KANK1: variants seen among roughly 807,000 people sequenced by gnomAD.
The protein encoded by KANK1 is KN motif and ankyrin repeat domains 1.
KANK1 carries 109 observed loss-of-function variants against 106.2 expected under a neutral mutation model. The ratio of observed to expected loss-of-function variants is 1.03; its 90% CI spans 0.88 to 1.20. KANK1 has a LOEUF of 1.20. Ranked by LOEUF, KANK1 falls within the 50% of genes most tolerant of loss-of-function variation. The pLI is 0.00. For missense variants in KANK1, 2,399 were observed against 1,710.7 expected, an observed-to-expected ratio of 1.40 and a Z score of -7.10; for synonymous variants, 873 against 652.2, an observed-to-expected ratio of 1.34 and a Z score of -5.16.
At chr9:487,941 G>C (rs1363191373) in intron 3 of KANK1, 1 of 152,108 alleles carries the variant, frequency 6.6e-6, no homozygotes, top group Non-Finnish European at 1.5e-5. Context: ...TAGAATTTCT[G>C]CTTCACTCCC....
chr9:717,466 T>G (rs1828032614), intron 3 of KANK1, among the ~76,000 whole-genome samples: 2 of 152,208 alleles, frequency 1.3e-5, no homozygotes, highest in Non-Finnish European at 2.9e-5. Flanking sequence ...TCATACATAG[T>G]CCGCCTCTTT....
In KANK1 at chr9:528,469, C is replaced by CTTTTTTTTTTTTTTTTT. The variant is rs36072780; in HGVS notation, c.-84+23729_-84+23745dup. 1.6e-4 allele frequency among the ~76,000 whole-genome samples: 14 copies of CTTTTTTTTTTTTTTTTT among 85,124 alleles called. 1 individual carries two copies. The highest frequency in any genetic ancestry group is 2.2e-4 in the Non-Finnish European group (9 of 41,364). 55.8% of individuals were successfully genotyped at this position (85,124 alleles called of 152,430 possible). On this transcript the variant is annotated intron_variant, in intron 1 of 11. Coordinates refer to ENST00000382297, the MANE Select transcript of KANK1 (RefSeq NM_015158.5). The stretch of plus-strand genomic sequence containing the variant: ...ACCATTTTACTGAATTAAAAAATAA[C>CTTTTTTTTTTTTTTTTT]TTTTTTTTTTTTTTTTTTTTTTTTT...
intron 1 of KANK1, among the ~76,000 whole-genome samples, chr9:634,717 G>T (rs1256855755): frequency 6.6e-6 from 1 of 152,172 alleles, no homozygotes; most frequent in Non-Finnish European, 1.5e-5. Flanking sequence ...GGTTATCTTA[G>T]CCCATGCCCA....
At chr9:737,395 G>A (rs764203708) in intron 7 of KANK1, among the ~76,000 whole-genome samples, 1 of 152,184 alleles carries the variant, frequency 6.6e-6, no homozygotes, top group Non-Finnish European at 1.5e-5. Context: ...GTCTTTCTTT[G>A]ATATATTTTT....
At chr9:744,158 C>G (rs1158973426) in intron 10 of KANK1, among the ~76,000 whole-genome samples, 1 of 151,242 alleles carries the variant, frequency 6.6e-6, no homozygotes, top group African/African-American at 2.4e-5. Flanking sequence ...TCTAAACACA[C>G]ACTACTGCTG....
chr9:635,256 T>C (rs73384990), intron 1 of KANK1, among the ~76,000 whole-genome samples: 4,778 of 152,156 alleles, frequency 0.031, 246 homozygotes, highest in African/African-American at 0.11. Flanking sequence ...CCTCTAGATT[T>C]TAGGTACCCA....
rs573423001 is a variant in KANK1, at chr9:575,292, A to G, written c.-84+70538A>G. Reference sequence around the variant, plus strand: ...AAGTTAAAGCACAGAGAAAGTTAGTACAGTATTTGCCTGAGGTCAGTCACG... The same window carrying G: ...AAGTTAAAGCACAGAGAAAGTTAGTGCAGTATTTGCCTGAGGTCAGTCACG... On this transcript the variant is annotated intron_variant, in intron 1 of 11. Transcript: ENST00000382297. Among the ~76,000 whole-genome samples the G allele has an allele frequency of 2.1e-4, 32 of 152,384 alleles. 1 individual carries two copies. The South Asian group carries it at 6.4e-3, about 31-fold the overall frequency.
chr9:592,580 T>C (rs953610979), intron 1 of KANK1, among the ~76,000 whole-genome samples: 1 of 151,894 alleles, frequency 6.6e-6, no homozygotes, highest in Non-Finnish European at 1.5e-5. Context: ...CAAGTATTTA[T>C]AGAAGAAATG....
At chr9:512,905 A>T (rs1244320208) in intron 1 of KANK1, among the ~76,000 whole-genome samples, 1 of 151,988 alleles carries the variant, frequency 6.6e-6, no homozygotes, top group African/African-American at 2.4e-5. Flanking sequence ...TTGCCTTATT[A>T]TTTTTAGTTG....
chr9:736,834 C>T (rs1398734664), intron 7 of KANK1, among the ~76,000 whole-genome samples: 1 of 152,178 alleles, frequency 6.6e-6, no homozygotes, highest in Non-Finnish European at 1.5e-5. Flanking sequence ...GTCAGTATTT[C>T]CCATCAGGTT....
At chr9:707,042 G>A (rs545896488) in intron 2 of KANK1, 2 of 985,376 alleles carry the variant, frequency 2.0e-6, no homozygotes, top group African/African-American at 3.5e-5. Flanking sequence ...GAGTGCGGCG[G>A]GGGTGGTGTC....
intron 1 of KANK1, among the ~76,000 whole-genome samples, chr9:523,367 G>T (rs1165852632): frequency 1.3e-5 from 2 of 151,644 alleles, no homozygotes; most frequent in Non-Finnish European, 2.9e-5. Flanking sequence ...TGTAGAATCT[G>T]CATCGTCCTC....
rs373532071 is a variant in KANK1, at chr9:745,154, T to C, written c.3997-19T>C. 56 of 1,612,848 alleles carry C rather than the reference T, an allele frequency of 3.5e-5. No individual in the cohort carries two copies. The African/African-American group carries it at 6.4e-4, about 18-fold the overall frequency. On this transcript the variant is annotated intron_variant, in intron 11 of 11. Coordinates refer to ENST00000382297, the MANE Select transcript of KANK1 (RefSeq NM_015158.5). ...GGTCACTTATTAACCCCCAGTTTTT[T>C]TCCTTTCCTGGTCTCTAGGGCACCC...
At chr9:500,931 G>C (rs1247851375), upstream of KANK1, among the ~76,000 whole-genome samples, 1 of 152,134 alleles carries the variant, frequency 6.6e-6, no homozygotes, top group African/African-American at 2.4e-5. Flanking sequence ...TATACAAAAA[G>C]AGAGGTCAAA....
chr9:633,604 C>T (rs527864723), intron 1 of KANK1, among the ~76,000 whole-genome samples: 88 of 152,286 alleles, frequency 5.8e-4, no homozygotes, highest in African/African-American at 2.1e-3. Context: ...CATATGAGCT[C>T]TCAATAATTC....
At chr9:533,757 C>T (rs2133611386) in intron 1 of KANK1, among the ~76,000 whole-genome samples, 1 of 152,256 alleles carries the variant, frequency 6.6e-6, no homozygotes. Flanking sequence ...GTCATGGGAG[C>T]TTTGAACAGT....
At chr9:608,771 C>G (rs1028681659) in intron 1 of KANK1, among the ~76,000 whole-genome samples, 3 of 152,176 alleles carry the variant, frequency 2.0e-5, no homozygotes, top group Non-Finnish European at 2.9e-5. Flanking sequence ...GAAGGCAACT[C>G]ACAGAGTTAC....
chr9:545,414 G>A (rs909268762), intron 1 of KANK1, among the ~76,000 whole-genome samples: 6 of 152,214 alleles, frequency 3.9e-5, no homozygotes, highest in Admixed American at 1.3e-4. Context: ...AGTTCTGGGA[G>A]TCTTTCCCAT....
intron 1 of KANK1, among the ~76,000 whole-genome samples, chr9:511,736 A>G (rs2059034678): frequency 6.6e-6 from 1 of 152,216 alleles, no homozygotes. Context: ...TAAAATAAAA[A>G]CAAAACTCAT....
Sources: allele counts gnomAD v4.1 joint callset (sites outside exome capture counted in the v4.1 genomes callset), GRCh38; gene constraint gnomAD v4.1.1; transcripts MANE v1.5; gene names NCBI Gene and HGNC (gene_info 2026-07-23, HGNC 2026-07-21).